SMG1: variants seen among roughly 807,000 people sequenced by gnomAD.
SMG1 encodes the protein serine/threonine-protein kinase SMG1.
SMG1 carries 22 observed loss-of-function variants against 419.9 expected under a neutral mutation model. The ratio of observed to expected loss-of-function variants is 0.05; its 90% CI spans 0.04 to 0.07. SMG1 has a LOEUF of 0.07. SMG1 is among the 10% of genes least tolerant of loss of function. The pLI, the probability that SMG1 is intolerant of heterozygous loss-of-function variation, is 1.00. For synonymous variants in SMG1, 1,538 were observed against 1,553.5 expected (o/e 0.99, Z 0.23); for missense variants, 3,185 against 4,342.0 (o/e 0.73, Z 7.49).
Position 18,842,338 on chromosome 16 carries a change from T to G in SMG1, c.6336A>C (p.Glu2112Asp). 2 of 1,614,018 alleles carry G rather than the reference T, an allele frequency of 1.2e-6. No homozygotes were observed. The highest frequency in any genetic ancestry group is 1.7e-6 in the Non-Finnish European group (2 of 1,179,878). Reference sequence around the variant, plus strand: ...TTGTGACAGTGTCTCTGGCTGAGACTTCCCCAGGAAGAGCAATTTCAGTGT... The same window carrying G: ...TTGTGACAGTGTCTCTGGCTGAGACGTCCCCAGGAAGAGCAATTTCAGTGT... ...MTNTEIALPG[E>D]VSARDTVTIH... Residue 2112 changes from glutamate to aspartate, a missense_variant, in exon 40 of 63, where the codon GAA becomes GAC. Glu to Asp is a conservative substitution (Grantham distance 45). Around this residue, in one of 27 missense-constraint regions of SMG1, gnomAD observed 159 missense variants for 196.0 expected, o/e 0.81. Coordinates refer to ENST00000446231, the MANE Select transcript of SMG1 (RefSeq NM_015092.5).
chr16:18,926,339 C>T lies in SMG1; in HGVS notation c.-298G>A, dbSNP rs2038410346. On this transcript the variant is annotated 5_prime_UTR_variant, in exon 1 of 63. Transcript: ENST00000446231. Reference sequence around the variant, plus strand: ...CAGGGCCGTGCGCGGCCCACGTCGCCGGGGCCCCGGAGGACGAGGACGACG... The same window carrying T: ...CAGGGCCGTGCGCGGCCCACGTCGCTGGGGCCCCGGAGGACGAGGACGACG... The T allele has an allele frequency of 2.8e-6, 1 of 357,056 alleles. No individual in the cohort carries two copies. Among genetic ancestry groups the T allele is most frequent in the Non-Finnish European group, 5.1e-6 (1 of 197,952 alleles). The allele number at this position is 357,056 out of a possible 1,614,324, so 22.1% of individuals were successfully genotyped here. A position where few individuals can be genotyped will look rare whatever the true frequency, so the allele number is the denominator to read the frequency against.
intron 56 of SMG1, among the ~76,000 whole-genome samples, chr16:18,817,781 T>C (rs2032145213): frequency 6.6e-6 from 1 of 152,228 alleles, no homozygotes. Flanking sequence ...CTGCAATTTG[T>C]GTTACAGCCA....
At chr16:18,856,942 T>C (rs2034948432) in intron 29 of SMG1, 1 of 151,856 alleles carries the variant, frequency 6.6e-6, no homozygotes, top group Non-Finnish European at 1.5e-5. Context: ...CGCTCTGTGC[T>C]AGGACTTTTA....
chr16:18,811,768 G>C lies in SMG1; in HGVS notation c.10901C>G (p.Ala3634Gly). 6.2e-7 allele frequency: 1 copy of C among 1,613,734 alleles called. No homozygotes were observed. The highest frequency in any genetic ancestry group is 1.1e-5 in the South Asian group (1 of 91,070). The part of the protein sequence containing the change: ...DVDPNRRMSV[A>G]EQVDYVIKEA... ...AGTTTAAAACACGGTCACCTGTTCAGCAACTGACATCCTCCTATTCGGATC... is the reference window on the plus strand; with the variant it reads ...AGTTTAAAACACGGTCACCTGTTCACCAACTGACATCCTCCTATTCGGATC... Residue 3634 changes from alanine (A) to glycine (G), a missense_variant, in exon 62 of 63, where the codon GCT becomes GGT. Around this residue, in one of 27 missense-constraint regions of SMG1, gnomAD observed 41 missense variants for 78.7 expected, o/e 0.52. Transcript: ENST00000446231.
intron 23 of SMG1, 135 bp downstream of exon 23, chr16:18,866,486 T>G (rs2035515199): frequency 1.3e-6 from 1 of 788,676 alleles, no homozygotes; most frequent in Non-Finnish European, 2.1e-6. Flanking sequence ...CGCCTCCTGG[T>G]GAAGTGATTT....
At position 18,869,872 on chromosome 16, in the gene SMG1, C is replaced by T. The variant is rs1251657931; in HGVS notation, c.2615G>A (p.Gly872Glu). 7 of 1,583,124 alleles carry T rather than the reference C, an allele frequency of 4.4e-6. No homozygotes were observed. The highest frequency in any genetic ancestry group is 6.0e-6 in the Non-Finnish European group (7 of 1,167,586). Reference protein sequence around the residue: ...FSDVISFILYGNSHRTGKDNW... With the variant: ...FSDVISFILYENSHRTGKDNW... ...GCCTTACCCTGTTCTATGAGAGTTC[C>T]CATACAAAATAAAACTAATAACATC... Residue 872 changes from glycine to glutamate, a missense_variant, in exon 19 of 63, where the codon GGG becomes GAG. This residue lies in a region of SMG1 where 297 missense variants were observed against 491.0 expected (regional missense o/e 0.60). Coordinates refer to ENST00000446231, the MANE Select transcript of SMG1 (RefSeq NM_015092.5).
intron 46 of SMG1, 100 bp downstream of exon 46, chr16:18,837,153 G>A: frequency 8.9e-7 from 1 of 1,120,114 alleles, no homozygotes; most frequent in East Asian, 2.5e-5. Context: ...TATCATTTAT[G>A]TGATTTGTTA....
intron 3 of SMG1, among the ~76,000 whole-genome samples, chr16:18,894,172 A>G (rs1483817428): frequency 3.9e-5 from 6 of 152,096 alleles, no homozygotes; most frequent in Admixed American, 6.6e-5. Context: ...GAAACAACCA[A>G]TGGGTACCAG....
rs983921113 is a variant in SMG1, at chr16:18,806,656, A to G, written c.*2913T>C. On this transcript the variant is annotated 3_prime_UTR_variant, in exon 63 of 63. Coordinates refer to ENST00000446231, the MANE Select transcript of SMG1 (RefSeq NM_015092.5). ...GCAAAAAACTTAAGATTGAACTTCA[A>G]TTTCCAAGGGTACTTTGAAGAGGTT... is the stretch of plus-strand genomic sequence containing the variant. 3.9e-5 allele frequency: 6 copies of G among 152,184 alleles called. No individual in the cohort carries two copies. The highest frequency in any genetic ancestry group is 1.4e-4 in the African/African-American group (6 of 41,448). The allele number at this position is 152,184 out of a possible 1,614,324, so 9.4% of individuals were successfully genotyped here.
chr16:18,818,654 A>G (rs2032236095), intron 56 of SMG1, among the ~76,000 whole-genome samples: 1 of 152,112 alleles, frequency 6.6e-6, no homozygotes, highest in African/African-American at 2.4e-5. Flanking sequence ...TATGGGTGAA[A>G]TAAGATAAGA....
chr16:18,828,769 C>T (rs113274557), intron 54 of SMG1, among the ~76,000 whole-genome samples: 18 of 152,170 alleles, frequency 1.2e-4, no homozygotes, highest in African/African-American at 4.1e-4. Flanking sequence ...GAGGCCAAGG[C>T]GGGTGGATCA....
At chr16:18,814,604 T>C (rs1051843372) in intron 60 of SMG1, among the ~76,000 whole-genome samples, 4 of 152,130 alleles carry the variant, frequency 2.6e-5, no homozygotes, top group Admixed American at 6.5e-5. Flanking sequence ...AGACAGAGTC[T>C]TGCTCTGTCA....
intron 1 of SMG1, among the ~76,000 whole-genome samples, chr16:18,919,250 C>T (rs1390592558): frequency 6.6e-6 from 1 of 151,664 alleles, no homozygotes; most frequent in Non-Finnish European, 1.5e-5. Context: ...TCGCTTGAAC[C>T]CAGGAGGCCG....
chr16:18,895,295 A>G lies in SMG1; in HGVS notation c.412+757T>C, dbSNP rs143532754. 7.1e-3 allele frequency among the ~76,000 whole-genome samples: 1,077 copies of G among 151,726 alleles called. 16 individuals carry two copies. Among genetic ancestry groups the G allele is most frequent in the African/African-American group, 0.025 (1,023 of 41,416 alleles). On this transcript the variant is annotated intron_variant, in intron 3 of 62. Transcript: ENST00000446231. Reference sequence around the variant, plus strand: ...GGAGTTCGAGACCAGCCTGGCCAACATGGTGAAACCCTGTCTCCACTAAAA... The same window carrying G: ...GGAGTTCGAGACCAGCCTGGCCAACGTGGTGAAACCCTGTCTCCACTAAAA...
intron 1 of SMG1, among the ~76,000 whole-genome samples, chr16:18,917,301 T>C (rs1255055359): frequency 1.3e-5 from 2 of 149,882 alleles, no homozygotes; most frequent in East Asian, 2.1e-4. Flanking sequence ...TACAGGCATA[T>C]GCCACCATGC....
rs564879529 is a variant in SMG1, at chr16:18,842,366, G to C, written c.6308C>G (p.Thr2103Ser). The change falls in exon 40 of 63, where the codon ACT (threonine) becomes AGT (serine). Residue 2103 changes from threonine to serine, a missense_variant. Thr to Ser is a moderately conservative substitution (Grantham distance 58, BLOSUM62 1). Coordinates refer to ENST00000446231, the MANE Select transcript of SMG1 (RefSeq NM_015092.5). ...CCCAGGAAGAGCAATTTCAGTGTTA[G>C]TCATGGCAGCCAACCATGGACTGAT... is the stretch of plus-strand genomic sequence containing the variant. ...EEISPWLAAM[T>S]NTEIALPGEV... 2.5e-5 allele frequency: 40 copies of C among 1,614,018 alleles called. No homozygotes were observed. The South Asian group carries it at 4.4e-4, about 18-fold the overall frequency.
intron 1 of SMG1, among the ~76,000 whole-genome samples, chr16:18,919,279 A>G (rs1215763090): frequency 6.6e-5 from 10 of 151,682 alleles, no homozygotes; most frequent in Admixed American, 6.6e-4. Context: ...GTGAGCCAAG[A>G]CTGCACCAGT....
At position 18,870,641 on chromosome 16, in the gene SMG1, A is replaced by G. The variant is rs766775551; in HGVS notation, c.2461T>C (p.Leu821=). 21 of 1,605,426 alleles carry G rather than the reference A, an allele frequency of 1.3e-5. No homozygotes were observed. Among genetic ancestry groups the G allele is most frequent in the Non-Finnish European group, 1.8e-5 (21 of 1,176,368 alleles). ...TRIRQAFGKL[L]KSIPLDVVLS... is the part of the protein sequence containing the mutation. ...ACAACATCTAAAGGAATTGATTTCA[A>G]CAGTTTTCCAAATGCTTGTCGAATA... is the stretch of plus-strand genomic sequence containing the variant. Residue 821 remains leucine, a synonymous_variant, in exon 18 of 63, where the codon TTG becomes CTG. Coordinates refer to ENST00000446231, the MANE Select transcript of SMG1 (RefSeq NM_015092.5).
At chr16:18,896,264 T>C in intron 2 of SMG1, 57 bp from the exon 3 acceptor site, 5 of 1,294,632 alleles carry the variant, frequency 3.9e-6, no homozygotes, top group Admixed American at 1.7e-5. Flanking sequence ...ATTCAGTCAA[T>C]TTCCTGATAG....
Sources: allele counts gnomAD v4.1 joint callset (sites outside exome capture counted in the v4.1 genomes callset), GRCh38; gene constraint gnomAD v4.1.1; regional missense constraint gnomAD v4.1.1; transcripts MANE v1.5; gene names NCBI Gene and HGNC (gene_info 2026-07-23, HGNC 2026-07-21).